BMERB1: variants seen among roughly 807,000 people sequenced by gnomAD.
BMERB1 encodes the protein bMERB domain containing 1, also known as bMERB domain-containing protein 1.
BMERB1 carries 12 observed loss-of-function variants against 23.6 expected under a neutral mutation model. The ratio of observed to expected loss-of-function variants is 0.51; its 90% CI spans 0.33 to 0.82. The LOEUF (loss-of-function observed/expected upper bound fraction) is 0.82. Among genes scored for constraint, BMERB1 ranks in the 40% least tolerant of loss-of-function variants. The pLI is 0.03. For synonymous variants in BMERB1, 122 were observed against 96.6 expected (o/e 1.26, Z -1.54); for missense variants, 247 against 255.4 (o/e 0.97, Z 0.22).
At chr16:15,434,988 C>T (rs2050875726) in intron 1 of BMERB1, among the ~76,000 whole-genome samples, 1 of 152,376 alleles carries the variant, frequency 6.6e-6, no homozygotes, top group South Asian at 2.1e-4. Context: ...TGGGAGATGG[C>T]CAGGCAGCTA....
chr16:15,454,395 T>C (rs764536374), intron 1 of BMERB1, among the ~76,000 whole-genome samples: 1 of 152,180 alleles, frequency 6.6e-6, no homozygotes, highest in Non-Finnish European at 1.5e-5. Context: ...GTTGCTTCCT[T>C]TCCCCCCATC....
At chr16:15,466,094 T>C (rs546100822) in intron 1 of BMERB1, among the ~76,000 whole-genome samples, 61 of 152,244 alleles carry the variant, frequency 4.0e-4, no homozygotes, top group African/African-American at 1.3e-3. Flanking sequence ...GCAGGGTTTT[T>C]ATCTAGAATT....
At chr16:15,513,373 A>G (rs1212671463) in intron 1 of BMERB1, among the ~76,000 whole-genome samples, 2 of 152,144 alleles carry the variant, frequency 1.3e-5, no homozygotes, top group East Asian at 1.9e-4. Context: ...CCCGCCTTCC[A>G]TGCTGCTGCC....
chr16:15,542,631 A>ATTT lies in BMERB1; in HGVS notation c.231-25330_231-25328dup, dbSNP rs927255507. On this transcript the variant is annotated intron_variant, in intron 2 of 5. Transcript: ENST00000300006. ...TGGCTTAATGAATTACCTCCTAGGGATTTTTTTTTTTTTTTTTTTTTTTTG... is the reference window on the plus strand; with the variant it reads ...TGGCTTAATGAATTACCTCCTAGGGATTTTTTTTTTTTTTTTTTTTTTTTTTTG... Among the ~76,000 whole-genome samples, 214 of 96,838 alleles carry ATTT rather than the reference A, an allele frequency of 2.2e-3. 2 individuals are homozygous for ATTT. Among genetic ancestry groups the ATTT allele is most frequent in the African/African-American group, 7.9e-3 (186 of 23,506 alleles). The allele number at this position is 96,838 out of a possible 152,430, so 63.5% of individuals were successfully genotyped here.
At chr16:15,510,410 G>A (rs1402803938) in intron 1 of BMERB1, among the ~76,000 whole-genome samples, 2 of 152,180 alleles carry the variant, frequency 1.3e-5, no homozygotes, top group African/African-American at 4.8e-5. Flanking sequence ...TGAACTTGCT[G>A]GCTTATGGCG....
chr16:15,524,454 T>A (rs1205672714), intron 2 of BMERB1, among the ~76,000 whole-genome samples: 2 of 152,072 alleles, frequency 1.3e-5, no homozygotes, highest in African/African-American at 2.4e-5. Context: ...AAGGTGGGAA[T>A]CTGTGTTGAT....
At chr16:15,548,817 C>T (rs138569360) in intron 2 of BMERB1, among the ~76,000 whole-genome samples, 2 of 152,310 alleles carry the variant, frequency 1.3e-5, no homozygotes, top group Admixed American at 1.3e-4. Flanking sequence ...TCTGCTGGTG[C>T]AATGACTCTG....
intron 1 of BMERB1, among the ~76,000 whole-genome samples, chr16:15,440,335 C>T (rs1054290213): frequency 2.0e-5 from 3 of 150,780 alleles, no homozygotes; most frequent in African/African-American, 7.3e-5. Flanking sequence ...AAGTAGAGAG[C>T]TCAAACTGCA....
chr16:15,549,523 A>G (rs1384148701), intron 2 of BMERB1, among the ~76,000 whole-genome samples: 1 of 151,868 alleles, frequency 6.6e-6, no homozygotes, highest in Non-Finnish European at 1.5e-5. Context: ...TACTAAAAAT[A>G]CAAATATTAG....
chr16:15,586,324 C>G (rs1237032682), intron 5 of BMERB1, among the ~76,000 whole-genome samples: 1 of 152,124 alleles, frequency 6.6e-6, no homozygotes, highest in Non-Finnish European at 1.5e-5. Flanking sequence ...AATGTATGAG[C>G]ATTTTCAAAA....
chr16:15,434,754 G>A lies in BMERB1; in HGVS notation c.101G>A (p.Gly34Glu), dbSNP rs764275264. 3 of 1,000,640 alleles carry A rather than the reference G, an allele frequency of 3.0e-6. No individual in the cohort carries two copies. The highest frequency in any genetic ancestry group is 4.4e-6 in the Non-Finnish European group (3 of 675,202). 62.0% of individuals were successfully genotyped at this position (1,000,640 alleles called of 1,614,324 possible). ...ACGGCTTGGAAAACGGAGAGACTGG[G>A]GAGAAGTGAGTACTGGGGCGGGGGG... is the stretch of plus-strand genomic sequence containing the variant. The part of the protein sequence containing the change: ...EETAWKTERL[G>E]RNQLDIISMA... The change falls in exon 1 of 6, where the codon GGG (glycine) becomes GAG (glutamate). Residue 34 changes from glycine (G) to glutamate (E), a missense_variant. Physicochemically the swap from Gly to Glu is moderately conservative, Grantham distance 98 (BLOSUM62 -2). Transcript: ENST00000300006.
intron 1 of BMERB1, among the ~76,000 whole-genome samples, chr16:15,488,737 G>A (rs538375306): frequency 1.5e-4 from 23 of 150,618 alleles, no homozygotes; most frequent in African/African-American, 5.4e-4. Context: ...CAGGTACCCC[G>A]GAGGCTGAGG....
At chr16:15,452,230 A>G (rs1340533177) in intron 1 of BMERB1, among the ~76,000 whole-genome samples, 1 of 148,260 alleles carries the variant, frequency 6.7e-6, no homozygotes, top group African/African-American at 2.5e-5. Flanking sequence ...ACAGTGAGCC[A>G]TGATTGGGCC....
intron 2 of BMERB1, among the ~76,000 whole-genome samples, chr16:15,530,903 C>CTTTTTTTTTTT (rs1220558728): frequency 9.2e-6 from 1 of 109,250 alleles, no homozygotes; most frequent in African/African-American, 3.5e-5. Flanking sequence ...TTTCTTCTTT[C>CTTTTTTTTTTT]TTTTTTTTTT....
At chr16:15,535,509 C>T (rs765441139) in intron 2 of BMERB1, among the ~76,000 whole-genome samples, 1 of 151,790 alleles carries the variant, frequency 6.6e-6, no homozygotes, top group Non-Finnish European at 1.5e-5. Context: ...AATTAGGTGA[C>T]TACAGTGGTG....
At chr16:15,487,840 G>A (rs1022409295) in intron 1 of BMERB1, among the ~76,000 whole-genome samples, 1 of 152,218 alleles carries the variant, frequency 6.6e-6, no homozygotes, top group African/African-American at 2.4e-5. Context: ...TGGCGCTGGT[G>A]GGCGGGTCTT....
chr16:15,542,631 ATTTTTTTTTTTTT>A lies in BMERB1; in HGVS notation c.231-25340_231-25328del, dbSNP rs927255507. ...TGGCTTAATGAATTACCTCCTAGGG[ATTTTTTTTTTTTT>A]TTTTTTTTTTTGGTCAGGAGCAGAT... On this transcript the variant is annotated intron_variant, in intron 2 of 5. Transcript: ENST00000300006. 7.2e-5 allele frequency among the ~76,000 whole-genome samples: 7 copies of A among 96,870 alleles called. 1 individual carries two copies. Among genetic ancestry groups the A allele is most frequent in the Non-Finnish European group, 1.0e-4 (5 of 50,088 alleles). 63.6% of individuals were successfully genotyped at this position (96,870 alleles called of 152,430 possible). A position where few individuals can be genotyped will look rare whatever the true frequency, so the allele number is the denominator to read the frequency against.
intron 1 of BMERB1, among the ~76,000 whole-genome samples, chr16:15,468,187 C>T (rs1295230099): frequency 8.9e-6 from 1 of 112,242 alleles, no homozygotes; most frequent in African/African-American, 3.5e-5. Context: ...AGTCTGTCAC[C>T]AAGTCTGGAG....
intron 2 of BMERB1, among the ~76,000 whole-genome samples, chr16:15,529,888 TG>T (rs2150958921): frequency 6.6e-6 from 1 of 152,296 alleles, no homozygotes; most frequent in African/African-American, 2.4e-5. Flanking sequence ...GCTGCAAATG[TG>T]TTAAAACAAC....
Sources: gnomAD v4.1 joint callset for allele counts (sites outside exome capture counted in the v4.1 genomes callset) on GRCh38, gnomAD v4.1.1 for gene constraint, MANE v1.5 for transcripts, NCBI Gene and HGNC (gene_info 2026-07-23, HGNC 2026-07-21) for gene names.